Variants in RPGRIP1L observed in about 807,000 individuals in gnomAD.
RPGRIP1L encodes the protein protein fantom.
A neutral mutation model predicts 160.4 loss-of-function variants in RPGRIP1L; 131 were observed. The ratio of observed to expected loss-of-function variants is 0.82; its 90% CI spans 0.71 to 0.94. RPGRIP1L has a LOEUF of 0.94. RPGRIP1L is among the 40% of genes least tolerant of loss of function. The pLI is 0.00. For missense variants in RPGRIP1L, 1,522 were observed against 1,535.8 expected (o/e 0.99, Z 0.15); for synonymous variants, 510 against 515.8 (o/e 0.99, Z 0.15).
At chr16:53,630,016 A>AAT (rs773821970) in intron 22 of RPGRIP1L, among the ~76,000 whole-genome samples, 25 of 151,702 alleles carry the variant, frequency 1.6e-4, no homozygotes, top group African/African-American at 4.8e-4. Context: ...TGCAAATAAA[A>AAT]ATATATATAT....
chr16:53,611,885 G>A (rs2150941612), intron 24 of RPGRIP1L, among the ~76,000 whole-genome samples: 1 of 152,296 alleles, frequency 6.6e-6, no homozygotes, highest in African/African-American at 2.4e-5. Context: ...GGATGTAAAG[G>A]CTCCCCTGTG....
In RPGRIP1L at chr16:53,665,060, G is replaced by A. The variant is rs755214529; in HGVS notation, c.1104-51C>T. 25 of 1,608,142 alleles carry A rather than the reference G, an allele frequency of 1.6e-5. No homozygotes were observed. The Middle Eastern group carries it at 8.3e-4, about 53-fold the overall frequency. ...GAAAGCTTGGAAATCAGCTTCAACC[G>A]AAAATAATAAAGAGAAAAGCTTTTA... On this transcript the variant is annotated intron_variant, in intron 9 of 26. Transcript: ENST00000647211.
Position 53,692,082 on chromosome 16 carries a change from C to T in RPGRIP1L, c.513G>A (p.Gln171=). The stretch of plus-strand genomic sequence containing the variant: ...TTGTTTTACCTTTCCTGGGGCATTC[C>T]TGTAAACCAGCATTTTCATTTGCTT... ...RRKANENAGL[Q]ECPRKGIKFQ... Residue 171 remains glutamine, a synonymous_variant, in exon 4 of 27, where the codon CAG becomes CAA. Coordinates refer to ENST00000647211, the MANE Select transcript of RPGRIP1L (RefSeq NM_015272.5). The T allele has an allele frequency of 1.2e-6, 2 of 1,613,988 alleles. No individual in the cohort carries two copies. Among genetic ancestry groups the T allele is most frequent in the Non-Finnish European group, 1.7e-6 (2 of 1,179,966 alleles).
In RPGRIP1L at chr16:53,645,943, AGTTGCCATCTG is replaced by A; in HGVS notation, c.2354_2364del (p.Thr785IlefsTer3). The A allele has an allele frequency of 5.6e-6, 9 of 1,614,132 alleles. No individual in the cohort carries two copies. The highest frequency in any genetic ancestry group is 6.8e-6 in the Non-Finnish European group (8 of 1,180,008). On this transcript the variant is annotated frameshift_variant, in exon 17 of 27. Transcript: ENST00000647211. LOFTEE classifies it high-confidence loss of function. ...CTTATTGTAATGTGAAGTTCATTTA[AGTTGCCATCTG>A]TGGAATCTGTAGAACTGAGTTGAGC...
intron 4 of RPGRIP1L, among the ~76,000 whole-genome samples, chr16:53,688,755 A>G (rs963512672): frequency 6.6e-6 from 1 of 152,086 alleles, no homozygotes; most frequent in South Asian, 2.1e-4. Flanking sequence ...TGCTCTGCAT[A>G]TTCTCAGTAA....
intron 26 of RPGRIP1L, among the ~76,000 whole-genome samples, chr16:53,604,182 A>G (rs1307854102): frequency 6.6e-6 from 1 of 152,236 alleles, no homozygotes; most frequent in Non-Finnish European, 1.5e-5. Context: ...TATAGTTTAT[A>G]AAGATTTCCC....
chr16:53,702,907 G>A (rs925959203), intron 1 of RPGRIP1L, among the ~76,000 whole-genome samples: 1 of 152,112 alleles, frequency 6.6e-6, no homozygotes, highest in African/African-American at 2.4e-5. Context: ...TCTTGAGACG[G>A]GTATTAGTCT....
chr16:53,690,887 T>C (rs930921538), intron 4 of RPGRIP1L, among the ~76,000 whole-genome samples: 1 of 152,202 alleles, frequency 6.6e-6, no homozygotes, highest in African/African-American at 2.4e-5. Context: ...TACTTTCTAA[T>C]TTATAATTCA....
chr16:53,686,661 A>G (rs1055878250), intron 5 of RPGRIP1L, 85 bp from the exon 6 acceptor site: 6 of 1,402,992 alleles, frequency 4.3e-6, no homozygotes, highest in East Asian at 2.3e-5. Context: ...GTTCTTCATG[A>G]AAAAGAGCAA....
chr16:53,659,018 C>A, intron 10 of RPGRIP1L, 140 bp from the exon 11 acceptor site: 1 of 703,030 alleles, frequency 1.4e-6, no homozygotes. Flanking sequence ...GCTAGCACCT[C>A]GACAAAGACA....
intron 22 of RPGRIP1L, among the ~76,000 whole-genome samples, chr16:53,625,440 G>T (rs1965052999): frequency 6.7e-6 from 1 of 149,436 alleles, no homozygotes; most frequent in Non-Finnish European, 1.5e-5. Context: ...TGGGGTGGGG[G>T]GTGCCTCCAC....
chr16:53,701,293 TGA>T (rs1385030571), intron 1 of RPGRIP1L, among the ~76,000 whole-genome samples: 7 of 152,066 alleles, frequency 4.6e-5, no homozygotes, highest in East Asian at 1.9e-4. Flanking sequence ...GTGCATTTTG[TGA>T]GTTTTGTGAA....
rs758759988 is a variant in RPGRIP1L, at chr16:53,671,549, C to T, written c.1064G>A (p.Arg355Gln). 7.0e-6 allele frequency: 11 copies of T among 1,570,666 alleles called. No individual in the cohort carries two copies. Among genetic ancestry groups the T allele is most frequent in the East Asian group, 4.5e-5 (2 of 44,442 alleles). Residue 355 changes from arginine (R) to glutamine (Q), a missense_variant, in exon 9 of 27, where the codon CGG becomes CAG. By Grantham distance (43) the Arg-to-Gln change is conservative. Transcript: ENST00000647211. ...QDRINDLEKE[R>Q]ELLKENYDKL... ...ATCATAGTTTTCCTTTAAAAGTTCC[C>T]GTTCCTTTTCTAAATCATTAATTCT...
chr16:53,685,757 C>A (rs889972395), intron 6 of RPGRIP1L, among the ~76,000 whole-genome samples: 1 of 152,064 alleles, frequency 6.6e-6, no homozygotes, highest in Admixed American at 6.6e-5. Context: ...AGCTAGTGGA[C>A]GCTGGGTTTA....
chr16:53,645,698 A>G lies in RPGRIP1L; in HGVS notation c.2610T>C (p.Asp870=). The change falls in exon 17 of 27, where the codon GAT becomes GAC. Residue 870 remains aspartate, a synonymous_variant. Coordinates refer to ENST00000647211, the MANE Select transcript of RPGRIP1L (RefSeq NM_015272.5). The part of the protein sequence containing the change: ...SLSFYVFDDS[D]TQENIYIGKV... The stretch of plus-strand genomic sequence containing the variant: ...TTCCTATGTAAATATTCTCCTGGGT[A>G]TCACTATCATCAAAAACATAAAAAC... 1.2e-6 allele frequency: 2 copies of G among 1,614,078 alleles called. No individual in the cohort carries two copies. The highest frequency in any genetic ancestry group is 1.7e-6 in the Non-Finnish European group (2 of 1,179,940).
intron 10 of RPGRIP1L, among the ~76,000 whole-genome samples, chr16:53,661,244 C>T (rs1967767344): frequency 6.6e-6 from 1 of 151,206 alleles, no homozygotes; most frequent in Non-Finnish European, 1.5e-5. Flanking sequence ...TTGTGGTGAG[C>T]CGAGATCGCA....
chr16:53,665,405 T>C (rs1399247380), intron 9 of RPGRIP1L, among the ~76,000 whole-genome samples: 1 of 152,176 alleles, frequency 6.6e-6, no homozygotes, highest in Admixed American at 6.5e-5. Flanking sequence ...AAATGGACTT[T>C]CCACCTGATC....
intron 4 of RPGRIP1L, among the ~76,000 whole-genome samples, 182 bp downstream of exon 4, chr16:53,691,884 C>A (rs774069434): frequency 2.0e-5 from 3 of 152,160 alleles, no homozygotes; most frequent in Non-Finnish European, 2.9e-5. Context: ...AAATTTGAGA[C>A]TGATCTAGTG....
At chr16:53,626,954 G>A (rs13329973) in intron 22 of RPGRIP1L, among the ~76,000 whole-genome samples, 73,212 of 151,980 alleles carry the variant, frequency 0.48, 21,585 homozygotes, top group African/African-American at 0.83. Context: ...AGCTTGTATT[G>A]CTCTAAAAAA....
Sources: gnomAD v4.1 joint callset for allele counts (sites outside exome capture counted in the v4.1 genomes callset) on GRCh38, gnomAD v4.1.1 for gene constraint, MANE v1.5 for transcripts, NCBI Gene and HGNC (gene_info 2026-07-23, HGNC 2026-07-21) for gene names.